Variants in NRXN1 observed in about 807,000 individuals in gnomAD.
The protein encoded by NRXN1 is neurexin-1.
NRXN1 carries 39 observed loss-of-function variants against 150.9 expected under a neutral mutation model. The observed-to-expected ratio is 0.26, with a 90% CI of 0.20 to 0.34. The LOEUF (loss-of-function observed/expected upper bound fraction) is 0.34, where lower values mean the gene tolerates loss of function less well. Ranked by LOEUF, NRXN1 falls within the 10% of genes least tolerant of loss-of-function variation. The pLI is 1.00. For synonymous variants in NRXN1, 924 were observed against 757.0 expected (o/e 1.22, Z -3.62); for missense variants, 1,815 against 1,949.9 (o/e 0.93, Z 1.30).
At chr2:49,957,216 C>T (rs1449261420) in intron 21 of NRXN1, among the ~76,000 whole-genome samples, 1 of 152,110 alleles carries the variant, frequency 6.6e-6, no homozygotes, top group Non-Finnish European at 1.5e-5. Flanking sequence ...AGTTCCCCAA[C>T]TTCTCTGGAT....
At position 50,427,250 on chromosome 2, in the gene NRXN1, A is replaced by G. The variant is rs1334024861; in HGVS notation, c.3364+38192T>C. ...AAGCCATCAGCTTGTAAATACATAA[A>G]GTTGTGCAAGAATAAGTTAAATTAC... is the stretch of plus-strand genomic sequence containing the variant. On this transcript the variant is annotated intron_variant, in intron 17 of 22. Coordinates refer to ENST00000401669, the MANE Select transcript of NRXN1 (RefSeq NM_001330078.2). Among the ~76,000 whole-genome samples the G allele has an allele frequency of 2.6e-5, 4 of 152,206 alleles. No individual in the cohort carries two copies. The East Asian group carries it at 7.7e-4, about 29-fold the overall frequency.
At chr2:50,097,898 C>T (rs561916540) in intron 18 of NRXN1, among the ~76,000 whole-genome samples, 1 of 152,146 alleles carries the variant, frequency 6.6e-6, no homozygotes, top group Admixed American at 6.5e-5. Context: ...CTTGGCCTCT[C>T]AGACTGCTGG....
intron 17 of NRXN1, among the ~76,000 whole-genome samples, chr2:50,298,116 A>C (rs911565505): frequency 1.3e-5 from 2 of 152,144 alleles, no homozygotes; most frequent in African/African-American, 4.8e-5. Context: ...ATGACAGCAA[A>C]TTCAATGATG....
rs1446781585 is a variant in NRXN1, at chr2:50,734,958, G to C, written c.833-111343C>G. ...TTAATATGCACCAAGACCAATTCTT[G>C]GGCTACAATATACCTGTTCAAATAA... On this transcript the variant is annotated intron_variant, in intron 5 of 22. Coordinates refer to ENST00000401669, the MANE Select transcript of NRXN1 (RefSeq NM_001330078.2). Among the ~76,000 whole-genome samples the C allele has an allele frequency of 2.6e-5, 4 of 152,220 alleles. No individual in the cohort carries two copies. In the South Asian group the frequency reaches 6.2e-4, roughly 24 times the overall value.
intron 17 of NRXN1, among the ~76,000 whole-genome samples, chr2:50,257,633 A>T (rs1052233373): frequency 6.6e-6 from 1 of 151,990 alleles, no homozygotes; most frequent in East Asian, 1.9e-4. Context: ...GGAAGTGCCA[A>T]CGAGTAATTT....
At chr2:50,238,870 T>C (rs2065723177) in intron 17 of NRXN1, among the ~76,000 whole-genome samples, 2 of 152,030 alleles carry the variant, frequency 1.3e-5, no homozygotes, top group African/African-American at 2.4e-5. Flanking sequence ...GCAAAAGTGA[T>C]AAACATGAAT....
chr2:50,747,171 T>C lies in NRXN1; in HGVS notation c.833-123556A>G, dbSNP rs115490979. ...ACTCATATACAACGGGTCATTTAGGTTGCACAAAAATCAGAAAGATGGCCA... is the reference window on the plus strand; with the variant it reads ...ACTCATATACAACGGGTCATTTAGGCTGCACAAAAATCAGAAAGATGGCCA... On this transcript the variant is annotated intron_variant, in intron 5 of 22. Coordinates refer to ENST00000401669, the MANE Select transcript of NRXN1 (RefSeq NM_001330078.2). Among the ~76,000 whole-genome samples, 158 of 152,128 alleles carry C rather than the reference T, an allele frequency of 1.0e-3. 1 individual carries two copies. Among genetic ancestry groups the C allele is most frequent in the African/African-American group, 3.7e-3 (152 of 41,504 alleles).
At chr2:50,728,947 G>A (rs578134197) in intron 5 of NRXN1, among the ~76,000 whole-genome samples, 1 of 152,182 alleles carries the variant, frequency 6.6e-6, no homozygotes, top group East Asian at 1.9e-4. Flanking sequence ...ACACTGTGCT[G>A]GAAGTAATTA....
chr2:50,005,147 T>G (rs193098838), intron 21 of NRXN1, among the ~76,000 whole-genome samples: 242 of 152,226 alleles, frequency 1.6e-3, no homozygotes, highest in Non-Finnish European at 2.5e-3. Flanking sequence ...GCAAAGAAAG[T>G]AAGAAATTAC....
chr2:50,793,820 A>C (rs974888185), intron 5 of NRXN1, among the ~76,000 whole-genome samples: 1 of 152,146 alleles, frequency 6.6e-6, no homozygotes, highest in African/African-American at 2.4e-5. Context: ...CAGCATGAGC[A>C]GCAGAATTAT....
At chr2:49,955,296 T>C (rs571112464) in intron 21 of NRXN1, among the ~76,000 whole-genome samples, 6 of 152,248 alleles carry the variant, frequency 3.9e-5, no homozygotes, top group South Asian at 2.1e-4. Flanking sequence ...GAGATGAGAA[T>C]TGTGGCAAAA....
intron 19 of NRXN1, among the ~76,000 whole-genome samples, chr2:50,067,114 A>T (rs1471427626): frequency 2.0e-5 from 3 of 152,172 alleles, no homozygotes; most frequent in African/African-American, 7.2e-5. Context: ...ATCCAGTTAA[A>T]CAATATATTC....
chr2:50,447,479 CAAAAAAA>C (rs35878890), intron 17 of NRXN1, among the ~76,000 whole-genome samples: 26 of 38,566 alleles, frequency 6.7e-4, no homozygotes, highest in South Asian at 2.5e-3. Context: ...GACTCTGTCT[CAAAAAAA>C]AAAAAAAAAA....
At chr2:50,167,342 G>C (rs1161219377) in intron 18 of NRXN1, among the ~76,000 whole-genome samples, 1 of 152,012 alleles carries the variant, frequency 6.6e-6, no homozygotes. Context: ...CTTCGTTGGA[G>C]GAAATCCTCT....
chr2:50,257,549 C>G (rs918764250), intron 17 of NRXN1, among the ~76,000 whole-genome samples: 14 of 152,002 alleles, frequency 9.2e-5, no homozygotes, highest in African/African-American at 3.1e-4. Flanking sequence ...TAGGAGTCAT[C>G]TATTTGAAAT....
intron 18 of NRXN1, among the ~76,000 whole-genome samples, chr2:50,117,053 C>A (rs759831459): frequency 2.6e-5 from 4 of 151,958 alleles, no homozygotes; most frequent in African/African-American, 4.8e-5. Flanking sequence ...TTTAATGTGT[C>A]TATGCATGAA....
intron 5 of NRXN1, among the ~76,000 whole-genome samples, chr2:50,758,356 C>A (rs17561823): frequency 0.078 from 11,876 of 151,828 alleles, 568 homozygotes; most frequent in Non-Finnish European, 0.11. Context: ...AGCCCAAATG[C>A]AGATGCTAAC....
At chr2:50,014,896 G>A (rs1686316940) in intron 21 of NRXN1, among the ~76,000 whole-genome samples, 1 of 152,092 alleles carries the variant, frequency 6.6e-6, no homozygotes, top group Non-Finnish European at 1.5e-5. Context: ...AAAAATGGCA[G>A]ACATTTAAAT....
At chr2:50,021,239 TG>T (rs1399762290) in intron 21 of NRXN1, among the ~76,000 whole-genome samples, 1 of 152,198 alleles carries the variant, frequency 6.6e-6, no homozygotes, top group African/African-American at 2.4e-5. Flanking sequence ...TAGTACAGGT[TG>T]TTTTTATAGT....
Sources: allele counts gnomAD v4.1 joint callset (sites outside exome capture counted in the v4.1 genomes callset), GRCh38; gene constraint gnomAD v4.1.1; transcripts MANE v1.5; gene names NCBI Gene and HGNC (gene_info 2026-07-23, HGNC 2026-07-21).